Variants in IQCJ observed in about 807,000 individuals in gnomAD.
The protein encoded by IQCJ is IQ motif containing J, also known as IQ domain-containing protein J.
IQCJ carries 9 observed loss-of-function variants against 11.0 expected under a neutral mutation model. The ratio of observed to expected loss-of-function variants is 0.82; its 90% confidence interval spans 0.49 to 1.43. IQCJ has a LOEUF of 1.43. IQCJ is among the 40% of genes most tolerant of loss of function. The pLI, the probability that IQCJ is intolerant of heterozygous loss-of-function variation, is 0.00. For synonymous variants in IQCJ, 55 were observed against 51.3 expected (o/e 1.07, Z -0.31); for missense variants, 146 against 133.2 (o/e 1.10, Z -0.47).
chr3:159,263,668 A>T lies in IQCJ; in HGVS notation c.*937A>T. ...AAAAGGTTTCCCAACACTCAACGCAATGTATTCTTTTTGGGATCAGGTAAA... is the reference window on the plus strand; with the variant it reads ...AAAAGGTTTCCCAACACTCAACGCATTGTATTCTTTTTGGGATCAGGTAAA... On this transcript the variant is annotated 3_prime_UTR_variant, in exon 4 of 4. Transcript: ENST00000397832. 2.0e-6 allele frequency: 2 copies of T among 985,394 alleles called. No homozygotes were observed. Among genetic ancestry groups the T allele is most frequent in the Non-Finnish European group, 2.4e-6 (2 of 829,902 alleles). 61.0% of individuals were successfully genotyped at this position (985,394 alleles called of 1,614,324 possible).
intron 1 of IQCJ, among the ~76,000 whole-genome samples, chr3:159,133,365 A>G (rs1720105149): frequency 6.6e-6 from 1 of 152,218 alleles, no homozygotes; most frequent in Non-Finnish European, 1.5e-5. Flanking sequence ...TGTCTTAGAA[A>G]ACATGTGAAG....
At chr3:159,200,962 G>C (rs1036299863) in intron 1 of IQCJ, among the ~76,000 whole-genome samples, 9 of 152,158 alleles carry the variant, frequency 5.9e-5, no homozygotes, top group African/African-American at 2.2e-4. Context: ...TCTGTGTTCT[G>C]ATGAGAAGTT....
intron 1 of IQCJ, among the ~76,000 whole-genome samples, chr3:159,139,513 A>C (rs1230297350): frequency 1.3e-5 from 2 of 152,180 alleles, no homozygotes; most frequent in Non-Finnish European, 2.9e-5. Context: ...GGTCCGGCTC[A>C]CTGCACTTTC....
intron 1 of IQCJ, among the ~76,000 whole-genome samples, chr3:159,239,279 T>C (rs78435189): frequency 0.033 from 5,048 of 152,274 alleles, 258 homozygotes; most frequent in African/African-American, 0.12. Flanking sequence ...CAGAAAGCTC[T>C]TGTTAGTCAT....
intron 1 of IQCJ, among the ~76,000 whole-genome samples, chr3:159,079,186 T>C (rs9810740): frequency 0.048 from 7,357 of 152,138 alleles, 565 homozygotes; most frequent in African/African-American, 0.17. Context: ...CTGCATGTCA[T>C]TGTGGGGGCT....
intron 1 of IQCJ, among the ~76,000 whole-genome samples, chr3:159,159,797 C>A (rs931220738): frequency 2.6e-5 from 4 of 151,888 alleles, no homozygotes; most frequent in African/African-American, 9.7e-5. Context: ...GTGAGTGAGC[C>A]CACAACTTTC....
rs1560041150 is a variant in IQCJ at position 159,245,858 on chromosome 3, T to C, written c.25T>C (p.Leu9=). 6.5e-7 allele frequency: 1 copy of C among 1,547,408 alleles called. No individual in the cohort carries two copies. The highest frequency in any genetic ancestry group is 8.8e-7 in the Non-Finnish European group (1 of 1,141,624). ...TTTTTCACAGGAAGAACTGAAAAGA[T>C]TGCAGAATCCTCTAGAACAAGTTAA... is the stretch of plus-strand genomic sequence containing the variant. The part of the protein sequence containing the change: MRLEELKR[L]QNPLEQVNDG... Residue 9 remains leucine (L), a synonymous_variant, in exon 2 of 4, where the codon TTG becomes CTG. Coordinates refer to ENST00000397832, the MANE Select transcript of IQCJ (RefSeq NM_001042706.3).
At position 159,187,677 on chromosome 3, in the gene IQCJ, G is replaced by GA. The variant is rs563782631; in HGVS notation, c.10-58164dup. The stretch of plus-strand genomic sequence containing the variant: ...ACGGCAGACGTTATCAGGGAAGCTC[G>GA]AAGGATGGCACCAGGGTCCGTTTTT... On this transcript the variant is annotated intron_variant, in intron 1 of 3. Transcript: ENST00000397832. 9.8e-5 allele frequency among the ~76,000 whole-genome samples: 15 copies of GA among 152,336 alleles called. 1 individual carries two copies. In the South Asian group the frequency reaches 3.1e-3, roughly 32 times the overall value.
At chr3:159,175,886 G>A (rs1419865673) in intron 1 of IQCJ, among the ~76,000 whole-genome samples, 1 of 152,150 alleles carries the variant, frequency 6.6e-6, no homozygotes, top group Non-Finnish European at 1.5e-5. Context: ...AAACTGACAA[G>A]CTGTTTTCTA....
chr3:159,130,828 G>A (rs980987251), intron 1 of IQCJ, among the ~76,000 whole-genome samples: 2 of 152,100 alleles, frequency 1.3e-5, no homozygotes, highest in South Asian at 4.1e-4. Context: ...AATTTAGTCC[G>A]ATTTACTTTT....
At chr3:159,203,916 A>G (rs1724499851) in intron 1 of IQCJ, among the ~76,000 whole-genome samples, 1 of 152,106 alleles carries the variant, frequency 6.6e-6, no homozygotes, top group South Asian at 2.1e-4. Context: ...GTGTGGTAAG[A>G]GGGCAGGTTC....
rs1230305328 is a variant in IQCJ, at chr3:159,137,002, G to A, written c.9+67561G>A. Among the ~76,000 whole-genome samples, 8 of 152,148 alleles carry A rather than the reference G, an allele frequency of 5.3e-5. No homozygotes were observed. The South Asian group carries it at 6.2e-4, about 12-fold the overall frequency. ...AAGCTGGCTAGGCGCAGTGACTCAC[G>A]CCTGTAATCCCAGCACTTTGGGAGA... is the stretch of plus-strand genomic sequence containing the variant. On this transcript the variant is annotated intron_variant, in intron 1 of 3. Coordinates refer to ENST00000397832, the MANE Select transcript of IQCJ (RefSeq NM_001042706.3).
intron 1 of IQCJ, among the ~76,000 whole-genome samples, chr3:159,222,954 C>T (rs1232984289): frequency 1.3e-5 from 2 of 151,910 alleles, no homozygotes; most frequent in Non-Finnish European, 2.9e-5. Flanking sequence ...GATACCTGTG[C>T]AGAAAGTGTA....
At chr3:159,083,041 C>T (rs115092767) in intron 1 of IQCJ, among the ~76,000 whole-genome samples, 2,629 of 152,152 alleles carry the variant, frequency 0.017, 87 homozygotes, top group African/African-American at 0.06. Context: ...TTTGAAACCT[C>T]GGATGAGGTA....
intron 1 of IQCJ, among the ~76,000 whole-genome samples, chr3:159,144,661 G>GACACAC (rs10561081): frequency 0.011 from 1,604 of 150,320 alleles, 35 homozygotes; most frequent in African/African-American, 0.037. Context: ...TACACACACA[G>GACACAC]ACACACACAC....
intron 1 of IQCJ, among the ~76,000 whole-genome samples, chr3:159,219,724 A>G (rs1725429857): frequency 6.6e-6 from 1 of 152,108 alleles, no homozygotes; most frequent in Non-Finnish European, 1.5e-5. Context: ...TCTTAACAAT[A>G]TGGAGGGGCT....
intron 1 of IQCJ, among the ~76,000 whole-genome samples, chr3:159,171,252 T>C (rs1288522137): frequency 2.0e-5 from 3 of 152,168 alleles, no homozygotes; most frequent in African/African-American, 7.2e-5. Flanking sequence ...TCCACATCAG[T>C]GTTATCGATG....
At chr3:159,086,788 A>G (rs1017129010) in intron 1 of IQCJ, among the ~76,000 whole-genome samples, 1 of 152,162 alleles carries the variant, frequency 6.6e-6, no homozygotes, top group African/African-American at 2.4e-5. Context: ...ACCTTACTGA[A>G]GTTGCTTATC....
chr3:159,179,948 T>C (rs923655483), intron 1 of IQCJ, among the ~76,000 whole-genome samples: 1 of 145,606 alleles, frequency 6.9e-6, no homozygotes, highest in African/African-American at 2.5e-5. Flanking sequence ...AGACTAAGCA[T>C]GTGGAGAAAT....
Sources: allele counts gnomAD v4.1 joint callset (sites outside exome capture counted in the v4.1 genomes callset), GRCh38; gene constraint gnomAD v4.1.1; transcripts MANE v1.5; gene names NCBI Gene and HGNC (gene_info 2026-07-23, HGNC 2026-07-21).